The following TENM3 variants were observed in gnomAD, a reference collection of about 807,000 sequenced individuals.
TENM3 encodes teneurin transmembrane protein 3, also known as teneurin-3.
TENM3 carries 63 observed loss-of-function variants against 255.1 expected under a neutral mutation model. That is an observed-to-expected ratio of 0.25 (90% CI 0.20 to 0.30). The LOEUF is 0.30. TENM3 is among the 10% of genes least tolerant of loss of function. TENM3 has a pLI of 1.00. For missense variants in TENM3, 2,929 were observed against 3,461.1 expected (o/e 0.85, Z 3.86); for synonymous variants, 1,306 against 1,322.3 (o/e 0.99, Z 0.27).
At chr4:182,452,349 G>T (rs1018811507) in intron 3 of TENM3, among the ~76,000 whole-genome samples, 2 of 150,608 alleles carry the variant, frequency 1.3e-5, no homozygotes, top group African/African-American at 2.4e-5. Flanking sequence ...GGGGCGGGGG[G>T]GTGTCCAGTA....
chr4:182,090,197 T>C, the TENM3 span, among the ~76,000 whole-genome samples: 12 of 152,230 alleles, frequency 7.9e-5, no homozygotes, highest in Non-Finnish European at 2.9e-5. Flanking sequence ...AAGGTGACGT[T>C]ATTTTAAAGA....
intron 3 of TENM3, among the ~76,000 whole-genome samples, chr4:182,490,745 C>G (rs966824602): frequency 6.3e-5 from 3 of 47,358 alleles, no homozygotes; most frequent in African/African-American, 2.1e-4. Flanking sequence ...ACTTGGCAAC[C>G]TTGGTGGTAT....
chr4:182,650,463 T>G (rs549769687), intron 5 of TENM3, among the ~76,000 whole-genome samples: 1 of 150,408 alleles, frequency 6.6e-6, no homozygotes, highest in Non-Finnish European at 1.5e-5. Context: ...CTTCTTTATT[T>G]TCAGATGTAT....
intron 7 of TENM3, among the ~76,000 whole-genome samples, chr4:182,675,529 C>T (rs1755599109): frequency 6.9e-6 from 1 of 145,926 alleles, no homozygotes; most frequent in Admixed American, 6.9e-5. Context: ...ACGACAGGAG[C>T]AAAACTCTGT....
the TENM3 span, among the ~76,000 whole-genome samples, chr4:181,467,694 C>G: frequency 1.3e-5 from 2 of 151,932 alleles, no homozygotes; most frequent in Admixed American, 1.3e-4. Context: ...ACTCTGGTGC[C>G]TGAGTCGAAA....
chr4:182,679,941 T>C (rs1756006997), intron 8 of TENM3, 65 bp downstream of exon 8: 1 of 1,387,860 alleles, frequency 7.2e-7, no homozygotes, highest in East Asian at 2.5e-5. Flanking sequence ...TAATAAAAAC[T>C]AAATTATCTG....
intron 6 of TENM3, among the ~76,000 whole-genome samples, chr4:182,666,399 A>G (rs1337081311): frequency 6.6e-6 from 1 of 152,192 alleles, no homozygotes; most frequent in Non-Finnish European, 1.5e-5. Flanking sequence ...AAAAGAGTCA[A>G]TCAATGTGGC....
chr4:182,421,916 T>C (rs934613194), intron 3 of TENM3, among the ~76,000 whole-genome samples: 2 of 152,152 alleles, frequency 1.3e-5, no homozygotes, highest in African/African-American at 4.8e-5. Context: ...GGGATGACCA[T>C]TGGCTGAAGG....
the TENM3 span, among the ~76,000 whole-genome samples, chr4:182,126,642 C>T: frequency 6.6e-6 from 1 of 152,204 alleles, no homozygotes; most frequent in African/African-American, 2.4e-5. Flanking sequence ...TTGCCTGATC[C>T]TGCCCTATAT....
At chr4:182,187,422 CCTT>C (rs1190205009) in intron 1 of TENM3, among the ~76,000 whole-genome samples, 1 of 152,150 alleles carries the variant, frequency 6.6e-6, no homozygotes, top group Non-Finnish European at 1.5e-5. Flanking sequence ...CCAGCACTGT[CCTT>C]CTTTGAGTCA....
the TENM3 span, among the ~76,000 whole-genome samples, chr4:181,890,996 A>G: frequency 6.6e-6 from 1 of 152,168 alleles, no homozygotes; most frequent in Admixed American, 6.5e-5. Context: ...ATTGACTACA[A>G]TCTAAGCATT....
At chr4:182,666,745 A>G (rs1486547451) in intron 6 of TENM3, among the ~76,000 whole-genome samples, 1 of 151,962 alleles carries the variant, frequency 6.6e-6, no homozygotes, top group African/African-American at 2.4e-5. Flanking sequence ...AAAAATACCA[A>G]AAAATTAGCC....
At chr4:182,479,072 T>G (rs1292895000) in intron 3 of TENM3, among the ~76,000 whole-genome samples, 1 of 151,918 alleles carries the variant, frequency 6.6e-6, no homozygotes, top group Non-Finnish European at 1.5e-5. Context: ...AACTAAAAGA[T>G]TCAGTACGTA....
intron 13 of TENM3, among the ~76,000 whole-genome samples, chr4:182,721,889 G>C (rs1483384753): frequency 6.6e-6 from 1 of 151,498 alleles, no homozygotes; most frequent in African/African-American, 2.4e-5. Context: ...TATTTCCCTT[G>C]TTTTTTTCTA....
At chr4:181,697,192 T>C in the TENM3 span, among the ~76,000 whole-genome samples, 30 of 152,224 alleles carry the variant, frequency 2.0e-4, no homozygotes, top group Admixed American at 2.0e-3. Context: ...TCTTTTGTTC[T>C]GGAGTGAACT....
chr4:182,752,545 G>A lies in TENM3; in HGVS notation c.3862+513G>A, dbSNP rs556471141. On this transcript the variant is annotated intron_variant, in intron 20 of 27. Transcript: ENST00000511685. ...GGTAACAGGGCTAAAAAAATTCTAC[G>A]TGATAAAGGCTTTTAAACCAGGCAG... 7.6e-4 allele frequency among the ~76,000 whole-genome samples: 116 copies of A among 152,074 alleles called. 2 individuals are homozygous for A. In the South Asian group the frequency reaches 0.023, roughly 31 times the overall value.
chr4:181,872,684 A>G, the TENM3 span, among the ~76,000 whole-genome samples: 1 of 152,038 alleles, frequency 6.6e-6, no homozygotes, highest in East Asian at 1.9e-4. Context: ...TTTTGTTTTC[A>G]GATTTTTTTC....
chr4:181,909,497 T>C, the TENM3 span, among the ~76,000 whole-genome samples: 1 of 152,096 alleles, frequency 6.6e-6, no homozygotes, highest in Non-Finnish European at 1.5e-5. Context: ...TCCGGCCGCC[T>C]CACCCAACAA....
the TENM3 span, among the ~76,000 whole-genome samples, chr4:181,775,434 T>A: frequency 6.6e-6 from 1 of 152,174 alleles, no homozygotes; most frequent in Non-Finnish European, 1.5e-5. Context: ...TTGGAATTCA[T>A]TTTATTGGTT....
Sources: allele counts gnomAD v4.1 joint callset (sites outside exome capture counted in the v4.1 genomes callset), GRCh38; gene constraint gnomAD v4.1.1; transcripts MANE v1.5; gene names NCBI Gene and HGNC (gene_info 2026-07-23, HGNC 2026-07-21).